Variants in SGCD observed in about 807,000 individuals in gnomAD.
The protein encoded by SGCD is delta-sarcoglycan.
SGCD carries 18 observed loss-of-function variants against 36.6 expected under a neutral mutation model. That is an observed-to-expected ratio of 0.49 (90% CI 0.34 to 0.73). The LOEUF (loss-of-function observed/expected upper bound fraction) is 0.73. SGCD is among the 30% of genes least tolerant of loss of function. SGCD has a pLI of 0.01. For missense variants in SGCD, 387 were observed against 346.7 expected (o/e 1.12, Z -0.92); for synonymous variants, 133 against 130.6 (o/e 1.02, Z -0.12).
intron 1 of SGCD, among the ~76,000 whole-genome samples, chr5:156,051,271 A>C (rs1235609551): frequency 1.4e-5 from 2 of 146,438 alleles, no homozygotes; most frequent in Non-Finnish European, 3.1e-5. Context: ...AGAAAATTTC[A>C]CTTTCCTCTC....
At position 156,542,695 on chromosome 5, in the gene SGCD, G is replaced by T. The variant is rs149998524; in HGVS notation, c.294+33993G>T. ...TAATTTGTCTTAAGGCTTATGAGCTGCACGACCAGCATTCCTACTTATGCA... is the reference window on the plus strand; with the variant it reads ...TAATTTGTCTTAAGGCTTATGAGCTTCACGACCAGCATTCCTACTTATGCA... On this transcript the variant is annotated intron_variant, in intron 4 of 8. Coordinates refer to ENST00000337851, the MANE Select transcript of SGCD (RefSeq NM_000337.6). Among the ~76,000 whole-genome samples, 190 of 152,270 alleles carry T rather than the reference G, an allele frequency of 1.2e-3. 1 individual carries two copies. Among genetic ancestry groups the T allele is most frequent in the Non-Finnish European group, 2.4e-3 (162 of 68,016 alleles).
chr5:155,980,028 G>T (rs189804123), intron 1 of SGCD, among the ~76,000 whole-genome samples: 38 of 152,094 alleles, frequency 2.5e-4, no homozygotes, highest in Non-Finnish European at 5.0e-4. Context: ...CATTAGAAGG[G>T]GATATAGAGA....
chr5:156,135,723 A>G (rs1762439713), intron 3 of SGCD, among the ~76,000 whole-genome samples: 1 of 152,202 alleles, frequency 6.6e-6, no homozygotes, highest in South Asian at 2.1e-4. Flanking sequence ...ACATGTTGCT[A>G]CATATGGAAT....
intron 1 of SGCD, among the ~76,000 whole-genome samples, chr5:155,914,961 A>G (rs1000313969): frequency 3.5e-4 from 53 of 152,204 alleles, no homozygotes; most frequent in African/African-American, 1.1e-3. Context: ...AAATTTACAT[A>G]ATTGAAAGTT....
chr5:155,962,980 A>G (rs1278658719), intron 1 of SGCD, among the ~76,000 whole-genome samples: 1 of 152,142 alleles, frequency 6.6e-6, no homozygotes, highest in African/African-American at 2.4e-5. Context: ...GGCACAAAAG[A>G]AAATCTGACT....
chr5:155,956,799 C>CG (rs906753591), intron 1 of SGCD, among the ~76,000 whole-genome samples: 3 of 69,412 alleles, frequency 4.3e-5, no homozygotes, highest in Admixed American at 1.4e-4. Context: ...GACTCAGGGC[C>CG]CCCCCCCCCG....
At chr5:156,419,773 T>C (rs1200763691) in intron 3 of SGCD, among the ~76,000 whole-genome samples, 2 of 152,180 alleles carry the variant, frequency 1.3e-5, no homozygotes, top group Admixed American at 1.3e-4. Flanking sequence ...TTCAAACATC[T>C]TTCTGCACTA....
Position 156,060,299 on chromosome 5 carries a change from T to C in SGCD, c.-281-57579T>C, listed in dbSNP as rs1463351429. Among the ~76,000 whole-genome samples, 6 of 145,874 alleles carry C rather than the reference T, an allele frequency of 4.1e-5. 1 individual carries two copies. The highest frequency in any genetic ancestry group is 7.7e-5 in the Non-Finnish European group (5 of 64,792). ...AGTGTGGCTTTGAATTATCAGACAG[T>C]GAAGCACCTGTCAAAATTTTGATCA... is the stretch of plus-strand genomic sequence containing the variant. On this transcript the variant is annotated intron_variant, in intron 1 of 9. Transcript: ENST00000517913.
intron 3 of SGCD, among the ~76,000 whole-genome samples, chr5:156,406,693 T>G (rs1400629519): frequency 6.6e-6 from 1 of 150,914 alleles, no homozygotes; most frequent in Non-Finnish European, 1.5e-5. Context: ...GAGGTAGACA[T>G]TATCTCTGTT....
chr5:156,312,624 T>C (rs2127691381), intron 3 of SGCD, among the ~76,000 whole-genome samples: 1 of 152,274 alleles, frequency 6.6e-6, no homozygotes, highest in Admixed American at 6.5e-5. Context: ...TTGGATCCCA[T>C]CTTTATCTCT....
chr5:156,622,912 C>T (rs983224646), intron 6 of SGCD, among the ~76,000 whole-genome samples: 9 of 152,028 alleles, frequency 5.9e-5, no homozygotes, highest in African/African-American at 2.2e-4. Context: ...GGGAGAATGA[C>T]GGGAGCAAGT....
chr5:156,713,190 T>C (rs1755069641), intron 7 of SGCD, among the ~76,000 whole-genome samples: 1 of 152,068 alleles, frequency 6.6e-6, no homozygotes, highest in African/African-American at 2.4e-5. Context: ...CAGACAAGAA[T>C]TTCCTTCCCT....
intron 7 of SGCD, among the ~76,000 whole-genome samples, chr5:156,699,205 C>A (rs1754436097): frequency 6.6e-6 from 1 of 152,088 alleles, no homozygotes; most frequent in Non-Finnish European, 1.5e-5. Context: ...TAGACACAGA[C>A]AGGATTTTTC....
intron 3 of SGCD, among the ~76,000 whole-genome samples, chr5:156,462,827 A>T (rs1366586074): frequency 6.6e-6 from 1 of 151,984 alleles, no homozygotes; most frequent in Non-Finnish European, 1.5e-5. Context: ...CTAAAACTGC[A>T]ATTATTTTTG....
chr5:156,652,726 C>T (rs1763508295), intron 7 of SGCD, among the ~76,000 whole-genome samples: 1 of 152,066 alleles, frequency 6.6e-6, no homozygotes. Flanking sequence ...GTGTTTGTCA[C>T]AGATGGCTCT....
At chr5:155,837,549 AC>A in the SGCD span, among the ~76,000 whole-genome samples, 1 of 152,134 alleles carries the variant, frequency 6.6e-6, no homozygotes, top group African/African-American at 2.4e-5. Flanking sequence ...ATTTCTGTAA[AC>A]CTGTGTTTCT....
the SGCD span, among the ~76,000 whole-genome samples, chr5:155,752,820 G>A: frequency 1.3e-5 from 2 of 152,000 alleles, no homozygotes; most frequent in East Asian, 1.9e-4. Context: ...TTTCACATTG[G>A]CCCCTTATAA....
At chr5:155,974,757 G>T (rs1036018510) in intron 1 of SGCD, among the ~76,000 whole-genome samples, 11 of 152,080 alleles carry the variant, frequency 7.2e-5, no homozygotes, top group African/African-American at 2.7e-4. Context: ...GTCAGAGCTT[G>T]CCTGGTTCCC....
Position 156,503,887 on chromosome 5 carries a change from T to C in SGCD, c.193-4714T>C, listed in dbSNP as rs6896781. 6.2e-3 allele frequency among the ~76,000 whole-genome samples: 937 copies of C among 152,148 alleles called. 10 individuals are homozygous for C. The highest frequency in any genetic ancestry group is 0.021 in the African/African-American group (865 of 41,504). The stretch of plus-strand genomic sequence containing the variant: ...AGAGTTTTTTTTTAATTACTATTGG[T>C]GTTTCTAGAAGATTTTAGAAAATTA... On this transcript the variant is annotated intron_variant, in intron 3 of 8. Coordinates refer to ENST00000337851, the MANE Select transcript of SGCD (RefSeq NM_000337.6).
Sources: gnomAD v4.1 joint callset for allele counts (sites outside exome capture counted in the v4.1 genomes callset) on GRCh38, gnomAD v4.1.1 for gene constraint, MANE v1.5 for transcripts, NCBI Gene and HGNC (gene_info 2026-07-23, HGNC 2026-07-21) for gene names.